Variants in TTLL11 observed in about 807,000 individuals in gnomAD.
The protein encoded by TTLL11 is tubulin tyrosine ligase like 11.
Under a neutral mutation model 51.7 loss-of-function variants are expected in TTLL11, and 42 were observed. The observed-to-expected ratio is 0.81, with a 90% CI of 0.64 to 1.05. The LOEUF is 1.05. TTLL11 is among the 50% of genes least tolerant of loss of function. The probability of loss-of-function intolerance (pLI) is 0.00; values close to 1 mark genes in which losing one functional copy is unlikely to be tolerated. For missense variants in TTLL11, 799 were observed against 940.4 expected (o/e 0.85, Z 1.97); for synonymous variants, 381 against 383.5 (o/e 0.99, Z 0.08).
At chr9:121,965,132 T>A (rs527592818) in intron 6 of TTLL11, among the ~76,000 whole-genome samples, 22 of 152,368 alleles carry the variant, frequency 1.4e-4, no homozygotes, top group African/African-American at 5.0e-4. Context: ...CAGACTTTTT[T>A]ATTTATGTAA....
chr9:121,873,877 C>T (rs1164499900), intron 6 of TTLL11, among the ~76,000 whole-genome samples: 18 of 128,054 alleles, frequency 1.4e-4, no homozygotes, highest in African/African-American at 5.6e-4. Flanking sequence ...CTTGCTCTGT[C>T]ACCCAGGCTG....
At chr9:121,974,702 A>G (rs1564335936) in intron 5 of TTLL11, among the ~76,000 whole-genome samples, 182 bp downstream of exon 5, 3 of 152,260 alleles carry the variant, frequency 2.0e-5, no homozygotes, top group Non-Finnish European at 4.4e-5. Context: ...ACCACAGGTC[A>G]GATAGGCTTT....
chr9:121,998,734 C>T (rs1048190120), intron 3 of TTLL11, among the ~76,000 whole-genome samples: 1 of 152,186 alleles, frequency 6.6e-6, no homozygotes, highest in Non-Finnish European at 1.5e-5. Flanking sequence ...CAGTGCCAGG[C>T]AGTGCACTAG....
At position 121,895,747 on chromosome 9, in the gene TTLL11, GGT is replaced by G. The variant is rs770087022; in HGVS notation, c.1482-25001_1482-25000del. Among the ~76,000 whole-genome samples, 10 of 114,156 alleles carry G rather than the reference GGT, an allele frequency of 8.8e-5. 3 individuals are homozygous for G. Among genetic ancestry groups the G allele is most frequent in the East Asian group, 3.1e-4 (1 of 3,234 alleles). 74.9% of individuals were successfully genotyped at this position (114,156 alleles called of 152,430 possible). A position where few individuals can be genotyped will look rare whatever the true frequency, so the allele number is the denominator to read the frequency against. On this transcript the variant is annotated intron_variant, in intron 6 of 8. Transcript: ENST00000321582. ...TGATTGTATCTGTGTGCGTCCGTGTGGTTGTGTGTTATTGTTTTGTGTTAGTG... is the reference window on the plus strand; with the variant it reads ...TGATTGTATCTGTGTGCGTCCGTGTGTGTGTGTTATTGTTTTGTGTTAGTG...
intron 6 of TTLL11, among the ~76,000 whole-genome samples, chr9:121,887,933 G>T (rs1405339145): frequency 6.6e-6 from 1 of 152,092 alleles, no homozygotes; most frequent in Non-Finnish European, 1.5e-5. Context: ...ACCCAGTGGG[G>T]GTCTGGAGTG....
chr9:122,055,787 A>G (rs2131858557), intron 1 of TTLL11, among the ~76,000 whole-genome samples: 1 of 152,340 alleles, frequency 6.6e-6, no homozygotes, highest in South Asian at 2.1e-4. Flanking sequence ...ATTTCACAGA[A>G]GGAGCAACCA....
At chr9:121,985,610 G>A (rs538961799) in intron 4 of TTLL11, among the ~76,000 whole-genome samples, 1 of 146,058 alleles carries the variant, frequency 6.8e-6, no homozygotes, top group East Asian at 2.1e-4. Flanking sequence ...TCCGCCTCCC[G>A]GGTTCACACC....
intron 6 of TTLL11, among the ~76,000 whole-genome samples, chr9:121,880,016 C>T (rs1283921345): frequency 2.0e-5 from 3 of 151,970 alleles, no homozygotes; most frequent in Non-Finnish European, 4.4e-5. Context: ...AAAAAAATGA[C>T]ACAGCTATTG....
rs539620250 is a variant in TTLL11 at position 121,932,982 on chromosome 9, C to T, written c.1481+41027G>A. ...GCCTGTAAAGAGGTATGTGAGAACC[C>T]ACTTAAAAATGTATGATGTCTCACG... On this transcript the variant is annotated intron_variant, in intron 6 of 8. Transcript: ENST00000321582. Among the ~76,000 whole-genome samples the T allele has an allele frequency of 5.9e-5, 9 of 152,278 alleles. 1 individual carries two copies. In the South Asian group the frequency reaches 1.9e-3, roughly 32 times the overall value.
At chr9:121,882,382 T>A (rs1564286817) in intron 6 of TTLL11, among the ~76,000 whole-genome samples, 1 of 152,156 alleles carries the variant, frequency 6.6e-6, no homozygotes. Context: ...CTGCCTCCAC[T>A]GCCCACATAC....
At chr9:122,059,258 G>A (rs1001435081) in intron 1 of TTLL11, among the ~76,000 whole-genome samples, 3 of 152,166 alleles carry the variant, frequency 2.0e-5, no homozygotes, top group Non-Finnish European at 2.9e-5. Flanking sequence ...GCTAGCTACT[G>A]AGCTAAGTGC....
Position 121,819,310 on chromosome 9 carries a change from C to T in TTLL11, c.*3277G>A. 6.6e-6 allele frequency: 1 copy of T among 152,624 alleles called. No individual in the cohort carries two copies. Among genetic ancestry groups the T allele is most frequent in the Non-Finnish European group, 1.5e-5 (1 of 68,322 alleles). 9.5% of individuals were successfully genotyped at this position (152,624 alleles called of 1,614,324 possible). A position where few individuals can be genotyped will look rare whatever the true frequency, so the allele number is the denominator to read the frequency against. Reference sequence around the variant, plus strand: ...AGGAGGTTGGAAGGAAGGGAGCAGGCAGTGTCAGCAAGGCAGGAGCAAGGA... The same window carrying T: ...AGGAGGTTGGAAGGAAGGGAGCAGGTAGTGTCAGCAAGGCAGGAGCAAGGA... On this transcript the variant is annotated 3_prime_UTR_variant, in exon 9 of 9. Coordinates refer to ENST00000321582, the MANE Select transcript of TTLL11 (RefSeq NM_001139442.2).
chr9:121,822,408 A>C lies in TTLL11; in HGVS notation c.*179T>G, dbSNP rs1836605113. 1 of 496,180 alleles carries C rather than the reference A, an allele frequency of 2.0e-6. No homozygotes were observed. 30.7% of individuals were successfully genotyped at this position (496,180 alleles called of 1,614,324 possible). A position where few individuals can be genotyped will look rare whatever the true frequency, so the allele number is the denominator to read the frequency against. ...CACCAGGAGGTGTGAGGAGGAAGGC[A>C]GGTGAGAACCAGCCAGCCTGGTGAA... is the stretch of plus-strand genomic sequence containing the variant. On this transcript the variant is annotated 3_prime_UTR_variant, in exon 9 of 9. Transcript: ENST00000321582. This position sits in a 1 kb window ranked among gnomAD's most constrained non-coding sequence, Gnocchi z 5.8.
rs1375827327 is a variant in TTLL11 at position 121,822,824 on chromosome 9, G to T, written c.1896C>A (p.Phe632Leu). ...CCTGCTCATGAAGTGGCAGCATCTT[G>T]AACTTCCTCTGAGCCAGGAAAAAGA... ...EAFFFLAQRK[F>L]KMLPLHEQVA... The change falls in exon 9 of 9, where the codon TTC becomes TTA. Residue 632 changes from phenylalanine (F) to leucine (L), a missense_variant. Phe to Leu is a conservative substitution (Grantham distance 22, BLOSUM62 0). Around this residue, in one of 3 missense-constraint regions of TTLL11, gnomAD observed 165 missense variants for 166.1 expected, o/e 0.99. Coordinates refer to ENST00000321582, the MANE Select transcript of TTLL11 (RefSeq NM_001139442.2). This position sits in a 1 kb window ranked among gnomAD's most constrained non-coding sequence, Gnocchi z 5.8. 1 of 1,551,534 alleles carries T rather than the reference G, an allele frequency of 6.4e-7. No individual in the cohort carries two copies. Among genetic ancestry groups the T allele is most frequent in the African/African-American group, 1.4e-5 (1 of 73,052 alleles).
intron 1 of TTLL11, among the ~76,000 whole-genome samples, chr9:122,041,717 G>A (rs1249064866): frequency 6.6e-6 from 1 of 151,980 alleles, no homozygotes; most frequent in Non-Finnish European, 1.5e-5. Context: ...CCAAAAAGGT[G>A]AAAGACTTGT....
At chr9:121,831,308 G>A (rs1456195384) in intron 8 of TTLL11, among the ~76,000 whole-genome samples, 1 of 152,224 alleles carries the variant, frequency 6.6e-6, no homozygotes, top group East Asian at 1.9e-4. Context: ...CAGCAGCGTT[G>A]GGGCTTCTGC....
At chr9:122,021,313 G>C (rs1844172721) in intron 3 of TTLL11, among the ~76,000 whole-genome samples, 1 of 152,152 alleles carries the variant, frequency 6.6e-6, no homozygotes, top group Non-Finnish European at 1.5e-5. Context: ...CTGTGAGTCA[G>C]GGAAGACTGA....
chr9:121,830,135 G>A (rs2119121289), intron 8 of TTLL11, among the ~76,000 whole-genome samples: 1 of 152,342 alleles, frequency 6.6e-6, no homozygotes, highest in Non-Finnish European at 1.5e-5. Flanking sequence ...TGATGCAGGT[G>A]TTATTATGCC....
chr9:121,961,260 G>T (rs1410436079), intron 6 of TTLL11, among the ~76,000 whole-genome samples: 7 of 152,122 alleles, frequency 4.6e-5, no homozygotes, highest in Admixed American at 4.6e-4. Context: ...AACCCTTTCA[G>T]CTTACACATA....
Sources: allele counts gnomAD v4.1 joint callset (sites outside exome capture counted in the v4.1 genomes callset), GRCh38; gene constraint gnomAD v4.1.1; regional missense constraint gnomAD v4.1.1; non-coding constraint Gnocchi (gnomAD v3.1); transcripts MANE v1.5; gene names NCBI Gene and HGNC (gene_info 2026-07-23, HGNC 2026-07-21).